COL15A1: variants seen among roughly 807,000 people sequenced by gnomAD.
COL15A1 encodes collagen alpha-1(XV) chain.
Under a neutral mutation model 165.9 loss-of-function variants are expected in COL15A1, and 111 were observed. That is an observed-to-expected ratio of 0.67 (90% CI 0.57 to 0.78). COL15A1 has a LOEUF of 0.78. Among genes scored for constraint, COL15A1 ranks in the 30% least tolerant of loss-of-function variants. The pLI, the probability that COL15A1 is intolerant of heterozygous loss-of-function variation, is 0.00. For missense variants in COL15A1, 1,745 were observed against 1,789.7 expected (o/e 0.98, Z 0.45); for synonymous variants, 659 against 674.8 (o/e 0.98, Z 0.36).
rs142532785 is a variant in COL15A1, at chr9:99,017,738, T to C, written c.1647+1619T>C. On this transcript the variant is annotated intron_variant, in intron 11 of 41. Transcript: ENST00000375001. ...CTCTTCTGCACCTCACCCCAAGGTA[T>C]ACACAAAGCACCAAGTTCAAATCTC... Among the ~76,000 whole-genome samples, 23 of 152,250 alleles carry C rather than the reference T, an allele frequency of 1.5e-4. No individual in the cohort carries two copies. In the East Asian group the frequency reaches 3.3e-3, roughly 22 times the overall value.
chr9:99,052,609 G>A (rs1470558462), intron 31 of COL15A1, among the ~76,000 whole-genome samples, 176 bp downstream of exon 31: 1 of 152,152 alleles, frequency 6.6e-6, no homozygotes, highest in African/African-American at 2.4e-5. Flanking sequence ...TCTTTGGTTT[G>A]GTCACACATG....
chr9:98,990,884 C>T (rs973183786), intron 5 of COL15A1, among the ~76,000 whole-genome samples: 6 of 152,194 alleles, frequency 3.9e-5, no homozygotes, highest in African/African-American at 1.4e-4. Flanking sequence ...TGTTACAGTT[C>T]TTAAAGGTAG....
At chr9:99,061,857 T>G (rs920364884) in intron 36 of COL15A1, 114 bp from the exon 37 acceptor site, 10 of 1,140,338 alleles carry the variant, frequency 8.8e-6, no homozygotes, top group Middle Eastern at 4.1e-4. Context: ...AACAAGCCTC[T>G]TTATTGAGTA....
At chr9:99,040,739 G>A in intron 23 of COL15A1, 183 bp downstream of exon 23, 1 of 1,054,456 alleles carries the variant, frequency 9.5e-7, no homozygotes, top group Non-Finnish European at 1.4e-6. Context: ...GGCTGGTCTG[G>A]AACTCCTGAG....
rs1053675480 is a variant in COL15A1 at position 99,062,974 on chromosome 9, C to T, written c.3592-76C>T. 2.2e-5 allele frequency: 34 copies of T among 1,511,268 alleles called. No homozygotes were observed. In the African/African-American group the frequency reaches 4.8e-4, roughly 21 times the overall value. The allele number at this position is 1,511,268 out of a possible 1,614,324, so 93.6% of individuals were successfully genotyped here. ...AAGCATCTTCTCAAGAAACATTGCA[C>T]TTGCACCTCAATACACTCTGAAGAA... On this transcript the variant is annotated intron_variant, in intron 38 of 41. Coordinates refer to ENST00000375001, the MANE Select transcript of COL15A1 (RefSeq NM_001855.5).
chr9:98,967,017 G>A (rs140790513), intron 2 of COL15A1, among the ~76,000 whole-genome samples: 15 of 152,244 alleles, frequency 9.9e-5, no homozygotes, highest in South Asian at 4.1e-4. Context: ...ACATTCATTC[G>A]TTCATTCATT....
At chr9:99,035,295 ACAAGTAGGTGCC>A (rs1265959416) in intron 18 of COL15A1, 43 bp from the exon 19 acceptor site, 2 of 1,612,392 alleles carry the variant, frequency 1.2e-6, no homozygotes, top group Non-Finnish European at 1.7e-6. Flanking sequence ...CACACCTGGC[ACAAGTAGGTGCC>A]CAGGAACTGG....
intron 2 of COL15A1, among the ~76,000 whole-genome samples, chr9:98,951,864 A>G (rs896537494): frequency 2.0e-5 from 3 of 152,142 alleles, no homozygotes; most frequent in African/African-American, 7.2e-5. Context: ...GGCTACCAGT[A>G]CCATTTTAAA....
At chr9:98,953,787 C>T (rs753448299) in intron 2 of COL15A1, among the ~76,000 whole-genome samples, 1 of 152,210 alleles carries the variant, frequency 6.6e-6, no homozygotes, top group Non-Finnish European at 1.5e-5. Context: ...CTCCTCCCAT[C>T]ACTGAGGGAC....
intron 2 of COL15A1, among the ~76,000 whole-genome samples, chr9:98,969,758 T>C (rs1023481797): frequency 6.6e-6 from 1 of 152,186 alleles, no homozygotes; most frequent in Non-Finnish European, 1.5e-5. Flanking sequence ...GTGACATTCC[T>C]GGAGAGCAGC....
intron 16 of COL15A1, among the ~76,000 whole-genome samples, chr9:99,031,535 A>G (rs574834867): frequency 6.6e-6 from 1 of 152,156 alleles, no homozygotes; most frequent in Admixed American, 6.5e-5. Context: ...GGGGTTGCCT[A>G]TTGTGTGCAG....
chr9:98,993,319 C>T (rs1436135455), intron 5 of COL15A1, among the ~76,000 whole-genome samples: 2 of 152,226 alleles, frequency 1.3e-5, no homozygotes, highest in Non-Finnish European at 2.9e-5. Context: ...GGACTCAGCA[C>T]CGGGCATAGT....
chr9:98,952,992 A>T (rs1218413174), intron 2 of COL15A1, among the ~76,000 whole-genome samples: 1 of 152,184 alleles, frequency 6.6e-6, no homozygotes, highest in Non-Finnish European at 1.5e-5. Context: ...TCCTTCATTA[A>T]GCCACGAATT....
chr9:98,951,886 C>G (rs1243914435), intron 2 of COL15A1, among the ~76,000 whole-genome samples: 1 of 152,180 alleles, frequency 6.6e-6, no homozygotes, highest in African/African-American at 2.4e-5. Flanking sequence ...ATGCCTTTCC[C>G]CCATAGTACC....
intron 7 of COL15A1, 105 bp from the exon 8 acceptor site, chr9:99,003,348 A>T (rs1838696743): frequency 1.2e-6 from 1 of 860,680 alleles, no homozygotes; most frequent in African/African-American, 1.7e-5. Context: ...AAGAAGCTAC[A>T]GAAATGCAGG....
At chr9:99,062,337 T>C in intron 38 of COL15A1, 33 bp downstream of exon 38, 2 of 1,504,020 alleles carry the variant, frequency 1.3e-6, no homozygotes, top group Non-Finnish European at 1.9e-6. Flanking sequence ...TGCTCATGCA[T>C]TCATTTATCA....
intron 36 of COL15A1, among the ~76,000 whole-genome samples, chr9:99,060,179 C>G (rs1016656152): frequency 6.7e-6 from 1 of 150,162 alleles, no homozygotes; most frequent in Non-Finnish European, 1.5e-5. Flanking sequence ...TTCCACCATT[C>G]GAATCCTTAA....
intron 36 of COL15A1, among the ~76,000 whole-genome samples, chr9:99,061,141 G>C (rs1490402155): frequency 6.6e-6 from 1 of 152,212 alleles, no homozygotes; most frequent in Non-Finnish European, 1.5e-5. Flanking sequence ...CTGGATGTTA[G>C]TTGCAAAATT....
rs1224967417 is a variant in COL15A1 at position 99,036,456 on chromosome 9, GA to G, written c.2409+62del. 5 of 1,578,650 alleles carry G rather than the reference GA, an allele frequency of 3.2e-6. No individual in the cohort carries two copies. In the East Asian group the frequency reaches 1.1e-4, roughly 36 times the overall value. On this transcript the variant is annotated intron_variant, in intron 21 of 41. Coordinates refer to ENST00000375001, the MANE Select transcript of COL15A1 (RefSeq NM_001855.5). ...TTTTCCACCTTTGCCAAAGGGAGGA[GA>G]AGGTTGTCCATGACTTCAAAGCTTC... is the stretch of plus-strand genomic sequence containing the variant.
Sources: gnomAD v4.1 joint callset for allele counts (sites outside exome capture counted in the v4.1 genomes callset) on GRCh38, gnomAD v4.1.1 for gene constraint, MANE v1.5 for transcripts, NCBI Gene and HGNC (gene_info 2026-07-23, HGNC 2026-07-21) for gene names.